Variants in CDH23 observed in about 807,000 individuals in gnomAD.
CDH23 encodes the protein cadherin-23.
In CDH23, 189 loss-of-function variants were observed where a neutral mutation model predicts 317.1. That is an observed-to-expected ratio of 0.60 (90% CI 0.53 to 0.67). The LOEUF (loss-of-function observed/expected upper bound fraction) is 0.67. Among genes scored for constraint, CDH23 ranks in the 30% least tolerant of loss-of-function variants. The pLI, the probability that CDH23 is intolerant of heterozygous loss-of-function variation, is 0.00. For synonymous variants in CDH23, 1,839 were observed against 1,876.8 expected (o/e 0.98, Z 0.52); for missense variants, 4,401 against 4,592.4 (o/e 0.96, Z 1.20).
intron 41 of CDH23, 47 bp downstream of exon 41, chr10:71,779,494 C>T (rs764748565): frequency 3.3e-6 from 5 of 1,503,890 alleles, no homozygotes; most frequent in South Asian, 2.5e-5. Context: ...CACCTGCACA[C>T]CCGCTCAGGG....
intron 38 of CDH23, chr10:71,773,458 G>A (rs1234570799): frequency 2.5e-6 from 4 of 1,580,090 alleles, no homozygotes; most frequent in Non-Finnish European, 3.4e-6. Flanking sequence ...CGGACGCGCA[G>A]AGGAACTTCT....
At chr10:71,468,895 C>T (rs1454995460) in intron 3 of CDH23, among the ~76,000 whole-genome samples, 1 of 152,150 alleles carries the variant, frequency 6.6e-6, no homozygotes, top group Non-Finnish European at 1.5e-5. Flanking sequence ...CTCCTCCTCC[C>T]TCCCAGCCTT....
chr10:71,455,095 G>T (rs921709886), intron 3 of CDH23, among the ~76,000 whole-genome samples: 54 of 152,116 alleles, frequency 3.5e-4, no homozygotes, highest in Admixed American at 9.8e-4. Flanking sequence ...TCCTGCCTTG[G>T]CCTCCCAAAG....
chr10:71,535,616 A>G (rs1225713025), intron 6 of CDH23, among the ~76,000 whole-genome samples: 1 of 152,246 alleles, frequency 6.6e-6, no homozygotes, highest in African/African-American at 2.4e-5. Flanking sequence ...TCTGTGGGAT[A>G]GGACTTGACC....
chr10:71,509,094 A>G (rs1227299164), intron 3 of CDH23, among the ~76,000 whole-genome samples: 1 of 152,180 alleles, frequency 6.6e-6, no homozygotes, highest in East Asian at 1.9e-4. Flanking sequence ...GCTTCCTGGT[A>G]AGGGATGACA....
chr10:71,800,334 G>A (rs1841522608), intron 52 of CDH23, among the ~76,000 whole-genome samples: 1 of 152,082 alleles, frequency 6.6e-6, no homozygotes. Flanking sequence ...CTTGGTATGA[G>A]CCATCAGACA....
In CDH23 at chr10:71,799,292, G is replaced by A. The variant is rs1404005814; in HGVS notation, c.7224+12G>A. ...AGCCCTCCTACCAGGTGGGTGGCCA[G>A]GCCACAGGCTGGGTCCAGGACCTGC... On this transcript the variant is annotated intron_variant, in intron 51 of 69. Coordinates refer to ENST00000224721, the MANE Select transcript of CDH23 (RefSeq NM_022124.6). 3 of 1,614,000 alleles carry A rather than the reference G, an allele frequency of 1.9e-6. No individual in the cohort carries two copies. Among genetic ancestry groups the A allele is most frequent in the African/African-American group, 1.3e-5 (1 of 75,070 alleles).
chr10:71,739,492 G>T (rs2132843697), intron 35 of CDH23, among the ~76,000 whole-genome samples, 152 bp from the exon 36 acceptor site: 1 of 152,288 alleles, frequency 6.6e-6, no homozygotes, highest in Non-Finnish European at 1.5e-5. Context: ...TGAGGGAGAT[G>T]AATCACTTCT....
At chr10:71,495,212 G>A (rs748356962) in intron 3 of CDH23, among the ~76,000 whole-genome samples, 5 of 152,158 alleles carry the variant, frequency 3.3e-5, no homozygotes, top group Non-Finnish European at 7.4e-5. Flanking sequence ...CATTCTCAAC[G>A]TGATGTATTA....
At chr10:71,647,305 A>G (rs962957778) in intron 14 of CDH23, among the ~76,000 whole-genome samples, 1 of 152,234 alleles carries the variant, frequency 6.6e-6, no homozygotes, top group Admixed American at 6.5e-5. Context: ...TCTACTAAAA[A>G]TACAAAAATT....
Position 71,785,630 on chromosome 10 carries a change from GA to G in CDH23, c.5713del (p.Thr1905GlnfsTer6). ...GCAGCTCACCACCCTCCACATCCCA[GA>G]CAGGGATCGTCACTGTGAACCGGCC... is the stretch of plus-strand genomic sequence containing the variant. The part of the protein sequence containing the change: ...RERAFFINAT[T>X]GIVTVNRPLD... On this transcript the variant is annotated frameshift_variant and splice_region_variant, in exon 44 of 70. Coordinates refer to ENST00000224721, the MANE Select transcript of CDH23 (RefSeq NM_022124.6). LOFTEE classifies it high-confidence loss of function. The G allele has an allele frequency of 6.3e-7, 1 of 1,584,986 alleles. No homozygotes were observed. Among genetic ancestry groups the G allele is most frequent in the Non-Finnish European group, 8.6e-7 (1 of 1,163,132 alleles).
Position 71,789,038 on chromosome 10 carries a change from C to T in CDH23, c.5919C>T (p.Pro1973=), listed in dbSNP as rs752519912. The stretch of plus-strand genomic sequence containing the variant: ...AGGCAGAGGTGATGGAAAACTCTCC[C>T]GCTGGTAGGTGCTGGGCCCACCCGG... ...TYQAEVMENS[P]AGTPLTVLNG... Residue 1973 remains proline (P), a synonymous_variant, in exon 45 of 70, where the codon CCC becomes CCT. Transcript: ENST00000224721. The T allele has an allele frequency of 3.3e-5, 50 of 1,533,630 alleles. No individual in the cohort carries two copies. The highest frequency in any genetic ancestry group is 3.4e-4 in the Middle Eastern group (2 of 5,934).
rs1377077882 is a variant in CDH23 at position 71,617,407 on chromosome 10, C to T, written c.1134+14C>T. On this transcript the variant is annotated intron_variant, in intron 11 of 69. Coordinates refer to ENST00000224721, the MANE Select transcript of CDH23 (RefSeq NM_022124.6). ...GACAAGGATGAGGTGAGTCCCTGGA[C>T]ACATGGCCCATGCAGACCCACCACC... The T allele has an allele frequency of 5.6e-6, 9 of 1,611,824 alleles. No homozygotes were observed. Among genetic ancestry groups the T allele is most frequent in the Non-Finnish European group, 7.6e-6 (9 of 1,179,770 alleles).
chr10:71,558,756 C>T (rs113646413), intron 6 of CDH23, among the ~76,000 whole-genome samples: 1 of 152,228 alleles, frequency 6.6e-6, no homozygotes, highest in South Asian at 2.1e-4. Flanking sequence ...GGAGGAGGAC[C>T]TGGCTGTTCT....
At chr10:71,548,529 C>T (rs946137718) in intron 6 of CDH23, among the ~76,000 whole-genome samples, 1 of 152,236 alleles carries the variant, frequency 6.6e-6, no homozygotes, top group Admixed American at 6.5e-5. Flanking sequence ...ATGTAGAGCC[C>T]CAACTTGGGG....
chr10:71,655,545 C>T (rs1863380557), intron 14 of CDH23, among the ~76,000 whole-genome samples: 1 of 152,134 alleles, frequency 6.6e-6, no homozygotes, highest in Non-Finnish European at 1.5e-5. Context: ...TCTGGGGCCC[C>T]AGCATGCTGT....
intron 9 of CDH23, among the ~76,000 whole-genome samples, chr10:71,607,067 A>G (rs1860571204): frequency 6.6e-6 from 1 of 152,212 alleles, no homozygotes; most frequent in Admixed American, 6.5e-5. Context: ...GCAGCTAAGT[A>G]ACGATTTTTA....
intron 6 of CDH23, among the ~76,000 whole-genome samples, chr10:71,540,317 G>C (rs1253014378): frequency 6.6e-6 from 1 of 152,112 alleles, no homozygotes; most frequent in Non-Finnish European, 1.5e-5. Flanking sequence ...CTCTCACTAG[G>C]CAATTTCAGC....
Position 71,779,267 on chromosome 10 carries a change from G to A in CDH23, c.5188G>A (p.Val1730Met), listed in dbSNP as rs1269535539. The A allele has an allele frequency of 6.2e-7, 1 of 1,613,864 alleles. No individual in the cohort carries two copies. Among genetic ancestry groups the A allele is most frequent in the Non-Finnish European group, 8.5e-7 (1 of 1,179,902 alleles). The change falls in exon 41 of 70, where the codon GTG becomes ATG. Residue 1730 changes from valine to methionine, a missense_variant and splice_region_variant. Physicochemically the swap from Val to Met is conservative, Grantham distance 21 (BLOSUM62 1). This residue lies in a region of CDH23 where 3,068 missense variants were observed against 3,203.3 expected (regional missense o/e 0.96). Coordinates refer to ENST00000224721, the MANE Select transcript of CDH23 (RefSeq NM_022124.6). ...LSHRLTSTTTVLVNVNDINDN... is the reference protein window; with the variant it reads ...LSHRLTSTTTMLVNVNDINDN... Reference sequence around the variant, plus strand: ...TGGCTAAGCTTTTCCACCATCTCAGGTGCTTGTGAATGTGAATGACATCAA... The same window carrying A: ...TGGCTAAGCTTTTCCACCATCTCAGATGCTTGTGAATGTGAATGACATCAA...
Sources: allele counts gnomAD v4.1 joint callset (sites outside exome capture counted in the v4.1 genomes callset), GRCh38; gene constraint gnomAD v4.1.1; regional missense constraint gnomAD v4.1.1; transcripts MANE v1.5; gene names NCBI Gene and HGNC (gene_info 2026-07-23, HGNC 2026-07-21).